SIX3: variants seen among roughly 807,000 people sequenced by gnomAD.
SIX3 encodes homeobox protein SIX3.
In SIX3, 2 loss-of-function variants were observed where a neutral mutation model predicts 21.7. That is an observed-to-expected ratio of 0.09 (90% CI 0.04 to 0.29). The LOEUF (loss-of-function observed/expected upper bound fraction) is 0.29. Among genes scored for constraint, SIX3 ranks in the 10% least tolerant of loss-of-function variants. The pLI is 1.00. For missense variants in SIX3, 347 were observed against 480.7 expected, an observed-to-expected ratio of 0.72 and a Z score of 2.60; for synonymous variants, 243 against 220.6, an observed-to-expected ratio of 1.10 and a Z score of -0.90.
rs760462666 is a variant in SIX3 at position 44,942,318 on chromosome 2, GC to G, written c.221del (p.Pro74ArgfsTer177). The G allele has an allele frequency of 4.4e-6, 7 of 1,589,654 alleles. No homozygotes were observed. Among genetic ancestry groups the G allele is most frequent in the African/African-American group, 1.3e-5 (1 of 74,560 alleles). ...CGGCGGCGGCGGCGGCGGCTCCAGGGCCCCCCCGGAAGAGTTGTCCATGTTC... is the reference window on the plus strand; with the variant it reads ...CGGCGGCGGCGGCGGCGGCTCCAGGGCCCCCCGGAAGAGTTGTCCATGTTC... ...AGGGGGGGSR[A>X]PPEELSMFQL... is the part of the protein sequence containing the mutation. On this transcript the variant is annotated frameshift_variant, in exon 1 of 2. Transcript: ENST00000260653. LOFTEE classifies it high-confidence loss of function. The surrounding 1 kb of genome is among the most constrained non-coding windows in gnomAD (Gnocchi z 8.4).
chr2:44,943,193 G>C (rs960637039), intron 1 of SIX3, among the ~76,000 whole-genome samples: 2 of 152,240 alleles, frequency 1.3e-5, no homozygotes, highest in Non-Finnish European at 2.9e-5. Context: ...CGCTGCACCC[G>C]TGCCTGCCTC....
rs754178703 is a variant in SIX3 at position 44,942,677 on chromosome 2, C to T, written c.573C>T (p.Tyr191=). Residue 191 remains tyrosine, a synonymous_variant, in exon 1 of 2, where the codon TAC becomes TAT. Coordinates refer to ENST00000260653, the MANE Select transcript of SIX3 (RefSeq NM_005413.4). This position sits in a 1 kb window ranked among gnomAD's most constrained non-coding sequence, Gnocchi z 8.4. ...RGRPLGPVDK[Y]RVRKKFPLPR... ...GCCCACTCGGCCCGGTGGACAAGTA[C>T]CGCGTGCGCAAGAAGTTCCCGCTGC... is the stretch of plus-strand genomic sequence containing the variant. 23 of 1,600,866 alleles carry T rather than the reference C, an allele frequency of 1.4e-5. No homozygotes were observed. In the Admixed American group the frequency reaches 3.5e-4, roughly 24 times the overall value.
In SIX3 at chr2:44,944,984, A is replaced by C; in HGVS notation, c.*224A>C. On this transcript the variant is annotated 3_prime_UTR_variant, in exon 2 of 2. Transcript: ENST00000260653. ...ATAACAAATTAACCGCAAACTATCAACAACCCCCAACCACCATCTACCACT... is the reference window on the plus strand; with the variant it reads ...ATAACAAATTAACCGCAAACTATCACCAACCCCCAACCACCATCTACCACT... The C allele has an allele frequency of 1.7e-6, 1 of 585,294 alleles. No individual in the cohort carries two copies. The allele number at this position is 585,294 out of a possible 1,614,324, so 36.3% of individuals were successfully genotyped here. A position where few individuals can be genotyped will look rare whatever the true frequency, so the allele number is the denominator to read the frequency against.
Position 44,944,598 on chromosome 2 carries a change from C to A in SIX3, c.837C>A (p.Gly279=). The A allele has an allele frequency of 6.3e-7, 1 of 1,577,272 alleles. No individual in the cohort carries two copies. The highest frequency in any genetic ancestry group is 1.1e-5 in the South Asian group (1 of 88,570). ...AGCACCAGGCCATTGGACCGAGCGG[C>A]ATGCGCTCGCTGGCCGAGCCCGGCT... The part of the protein sequence containing the change: ...RLQHQAIGPS[G]MRSLAEPGCP... The change falls in exon 2 of 2, where the codon GGC becomes GGA. Residue 279 remains glycine (G), a synonymous_variant. Transcript: ENST00000260653.
chr2:44,945,053 C>T lies in SIX3; in HGVS notation c.*293C>T. ...CCCGACGCCAACAGACAGTCAAACGCTGATGTTGCGGGCAGAAAACATAAA... is the reference window on the plus strand; with the variant it reads ...CCCGACGCCAACAGACAGTCAAACGTTGATGTTGCGGGCAGAAAACATAAA... On this transcript the variant is annotated 3_prime_UTR_variant, in exon 2 of 2. Coordinates refer to ENST00000260653, the MANE Select transcript of SIX3 (RefSeq NM_005413.4). The T allele has an allele frequency of 1.9e-6, 1 of 527,936 alleles. No homozygotes were observed. The highest frequency in any genetic ancestry group is 3.4e-6 in the Non-Finnish European group (1 of 292,966). The allele number at this position is 527,936 out of a possible 1,614,324, so 32.7% of individuals were successfully genotyped here.
At chr2:44,943,535 G>C (rs1666625949) in intron 1 of SIX3, among the ~76,000 whole-genome samples, 1 of 152,238 alleles carries the variant, frequency 6.6e-6, no homozygotes, top group Non-Finnish European at 1.5e-5. Context: ...CAGCCGAGGA[G>C]AATCCCTTTG....
rs1057469906 is a variant in SIX3, at chr2:44,942,037, C to T, written c.-68C>T. On this transcript the variant is annotated 5_prime_UTR_variant, in exon 1 of 2. Transcript: ENST00000260653. The surrounding 1 kb of genome is among the most constrained non-coding windows in gnomAD (Gnocchi z 8.4). ...CTCCCTCCTCCTGGTCCTCATCGCC[C>T]CTCTCCTCCTCTTCCTCCCCTCTCT... 7.9e-7 allele frequency: 1 copy of T among 1,270,406 alleles called. No individual in the cohort carries two copies. The highest frequency in any genetic ancestry group is 1.1e-6 in the Non-Finnish European group (1 of 893,036). The allele number at this position is 1,270,406 out of a possible 1,614,324, so 78.7% of individuals were successfully genotyped here.
At chr2:44,943,034 GAA>G in intron 1 of SIX3, 124 bp downstream of exon 1, 1 of 1,427,144 alleles carries the variant, frequency 7.0e-7, no homozygotes, top group East Asian at 2.5e-5. Context: ...GCCAGTCGGA[GAA>G]AGTTTCCGCT....
At position 44,942,462 on chromosome 2, in the gene SIX3, G is replaced by T; in HGVS notation, c.358G>T (p.Gly120Trp). The T allele has an allele frequency of 6.3e-7, 1 of 1,595,866 alleles. No homozygotes were observed. ...CCTCTGGTCGCTGCCCGTGGCCCCC[G>T]GGGCGTGCGAGGCCATCAACAAACA... ...RFLWSLPVAP[G>W]ACEAINKHES... Residue 120 changes from glycine (G) to tryptophan (W), a missense_variant, in exon 1 of 2, where the codon GGG becomes TGG. Gly to Trp is a radical substitution (Grantham distance 184). This residue lies in a region of SIX3 where 117 missense variants were observed against 205.9 expected (regional missense o/e 0.57). Coordinates refer to ENST00000260653, the MANE Select transcript of SIX3 (RefSeq NM_005413.4). This position sits in a 1 kb window ranked among gnomAD's most constrained non-coding sequence, Gnocchi z 8.4.
rs759511221 is a variant in SIX3 at position 44,942,284 on chromosome 2, C to G, written c.180C>G (p.Gly60=). 22 of 1,546,744 alleles carry G rather than the reference C, an allele frequency of 1.4e-5. No homozygotes were observed. The highest frequency in any genetic ancestry group is 1.9e-5 in the Admixed American group (1 of 53,546). The change falls in exon 1 of 2, where the codon GGC becomes GGG. Residue 60 remains glycine (G), a synonymous_variant. Coordinates refer to ENST00000260653, the MANE Select transcript of SIX3 (RefSeq NM_005413.4). This position sits in a 1 kb window ranked among gnomAD's most constrained non-coding sequence, Gnocchi z 8.4. The part of the protein sequence containing the change: ...GGNGAGGGGA[G]GAGGGGGGGS... ...ACGGTGCGGGAGGCGGCGGTGCTGG[C>G]GGAGCAGGCGGCGGCGGCGGCGGCG...
At position 44,942,960 on chromosome 2, in the gene SIX3, G is replaced by C. The variant is rs764613451; in HGVS notation, c.806+50G>C. The stretch of plus-strand genomic sequence containing the variant: ...GCTACAGCCTCAGAGGCCTGGGAAG[G>C]GGAGAGGGGTTGAGATGGGGCTAGC... On this transcript the variant is annotated intron_variant, in intron 1 of 1. Coordinates refer to ENST00000260653, the MANE Select transcript of SIX3 (RefSeq NM_005413.4). The surrounding 1 kb of genome is among the most constrained non-coding windows in gnomAD (Gnocchi z 8.4). The C allele has an allele frequency of 7.0e-6, 11 of 1,570,426 alleles. No individual in the cohort carries two copies. Among genetic ancestry groups the C allele is most frequent in the Non-Finnish European group, 9.4e-6 (11 of 1,165,952 alleles).
rs748952099 is a variant in SIX3 at position 44,942,768 on chromosome 2, C to T, written c.664C>T (p.Arg222Trp). ...CAAGGAGCGGACTCGGAGCCTGTTG[C>T]GGGAGTGGTACCTACAGGACCCCTA... ...CFKERTRSLL[R>W]EWYLQDPYPN... Residue 222 changes from arginine to tryptophan, a missense_variant, in exon 1 of 2, where the codon CGG (arginine) becomes TGG (tryptophan). Physicochemically the swap from Arg to Trp is moderately radical, Grantham distance 101. Coordinates refer to ENST00000260653, the MANE Select transcript of SIX3 (RefSeq NM_005413.4). The surrounding 1 kb of genome is among the most constrained non-coding windows in gnomAD (Gnocchi z 8.4). The T allele has an allele frequency of 6.2e-7, 1 of 1,600,396 alleles. No homozygotes were observed. Among genetic ancestry groups the T allele is most frequent in the Admixed American group, 1.7e-5 (1 of 60,022 alleles).
intron 1 of SIX3, among the ~76,000 whole-genome samples, chr2:44,943,300 CA>C (rs1666617509): frequency 6.6e-6 from 1 of 152,238 alleles, no homozygotes; most frequent in Admixed American, 6.5e-5. Context: ...CTGTGCGTTG[CA>C]AAACCCCGAG....
At position 44,945,287 on chromosome 2, in the gene SIX3, C is replaced by G. The variant is rs1180847587; in HGVS notation, c.*527C>G. On this transcript the variant is annotated 3_prime_UTR_variant, in exon 2 of 2. Coordinates refer to ENST00000260653, the MANE Select transcript of SIX3 (RefSeq NM_005413.4). ...CAAAACAGACAAAAAGAAAAAAAAT[C>G]GCCGTCTCCGTTCCGAATTTGTTAA... 1 of 47,370 alleles carries G rather than the reference C, an allele frequency of 2.1e-5. No homozygotes were observed. The highest frequency in any genetic ancestry group is 9.5e-4 in the East Asian group (1 of 1,052). The allele number at this position is 47,370 out of a possible 1,614,324, so 2.9% of individuals were successfully genotyped here.
rs1316379327 is a variant in SIX3, at chr2:44,942,063, C to T, written c.-42C>T. ...CTCTCCTCCTCTTCCTCCCCTCTCT[C>T]TTCCTCTCCCTGAATTTTCTCCTCT... On this transcript the variant is annotated 5_prime_UTR_variant, in exon 1 of 2. Transcript: ENST00000260653. The surrounding 1 kb of genome is among the most constrained non-coding windows in gnomAD (Gnocchi z 8.4). The T allele has an allele frequency of 1.6e-5, 24 of 1,518,132 alleles. No homozygotes were observed. The highest frequency in any genetic ancestry group is 8.1e-6 in the Non-Finnish European group (9 of 1,112,568). 94.0% of individuals were successfully genotyped at this position (1,518,132 alleles called of 1,614,324 possible). A position where few individuals can be genotyped will look rare whatever the true frequency, so the allele number is the denominator to read the frequency against.
rs754899804 is a variant in SIX3 at position 44,942,202 on chromosome 2, G to A, written c.98G>A (p.Gly33Asp). Reference protein sequence around the residue: ...HHRSILLASSGGGNGAGGGGG... With the variant: ...HHRSILLASSDGGNGAGGGGG... ...CGCTCCATACTTCTGGCGAGTAGCG[G>A]CGGCGGGAACGGTGCGGGAGGCGGC... The change falls in exon 1 of 2, where the codon GGC becomes GAC. Residue 33 changes from glycine to aspartate, a missense_variant. Gly to Asp is a moderately conservative substitution (Grantham distance 94). Transcript: ENST00000260653. This position sits in a 1 kb window ranked among gnomAD's most constrained non-coding sequence, Gnocchi z 8.4. 15 of 1,595,692 alleles carry A rather than the reference G, an allele frequency of 9.4e-6. No homozygotes were observed. Among genetic ancestry groups the A allele is most frequent in the Admixed American group, 1.7e-5 (1 of 59,824 alleles).
rs1183365544 is a variant in SIX3 at position 44,945,635 on chromosome 2, A to C, written c.*875A>C. 1 of 152,174 alleles carries C rather than the reference A, an allele frequency of 6.6e-6. No homozygotes were observed. Among genetic ancestry groups the C allele is most frequent in the Non-Finnish European group, 1.5e-5 (1 of 68,024 alleles). 9.4% of individuals were successfully genotyped at this position (152,174 alleles called of 1,614,324 possible). The stretch of plus-strand genomic sequence containing the variant: ...TAACAGATTTTTATTTTTATTTCAA[A>C]ATTTTATATGAATTATGTATATCTT... On this transcript the variant is annotated 3_prime_UTR_variant, in exon 2 of 2. Coordinates refer to ENST00000260653, the MANE Select transcript of SIX3 (RefSeq NM_005413.4).
chr2:44,943,445 G>GA (rs1666622708), intron 1 of SIX3, among the ~76,000 whole-genome samples: 1 of 152,254 alleles, frequency 6.6e-6, no homozygotes, highest in Non-Finnish European at 1.5e-5. Context: ...CAGGAGAGCC[G>GA]GGCTGGGAGT....
rs1264339871 is a variant in SIX3 at position 44,942,061 on chromosome 2, C to G, written c.-44C>G. The G allele has an allele frequency of 1.6e-5, 24 of 1,508,814 alleles. No homozygotes were observed. Among genetic ancestry groups the G allele is most frequent in the Non-Finnish European group, 2.0e-5 (22 of 1,104,036 alleles). 93.5% of individuals were successfully genotyped at this position (1,508,814 alleles called of 1,614,324 possible). ...CCCTCTCCTCCTCTTCCTCCCCTCT[C>G]TCTTCCTCTCCCTGAATTTTCTCCT... On this transcript the variant is annotated 5_prime_UTR_variant, in exon 1 of 2. Transcript: ENST00000260653. This position sits in a 1 kb window ranked among gnomAD's most constrained non-coding sequence, Gnocchi z 8.4.
Sources: allele counts gnomAD v4.1 joint callset (sites outside exome capture counted in the v4.1 genomes callset), GRCh38; gene constraint gnomAD v4.1.1; regional missense constraint gnomAD v4.1.1; non-coding constraint Gnocchi (gnomAD v3.1); transcripts MANE v1.5; gene names NCBI Gene and HGNC (gene_info 2026-07-23, HGNC 2026-07-21).